Variants in GPM6A observed in about 807,000 individuals in gnomAD.
GPM6A encodes glycoprotein M6A.
In GPM6A, 7 loss-of-function variants were observed where a neutral mutation model predicts 32.1. That is an observed-to-expected ratio of 0.22 (90% CI 0.12 to 0.41). GPM6A has a LOEUF of 0.41. Among genes scored for constraint, GPM6A ranks in the 10% least tolerant of loss-of-function variants. GPM6A has a pLI of 1.00. For synonymous variants in GPM6A, 130 were observed against 123.4 expected (o/e 1.05, Z -0.35); for missense variants, 235 against 347.2 (o/e 0.68, Z 2.57).
At chr4:175,680,622 T>C (rs1012987273) in intron 2 of GPM6A, among the ~76,000 whole-genome samples, 5 of 152,322 alleles carry the variant, frequency 3.3e-5, no homozygotes, top group Admixed American at 1.3e-4. Flanking sequence ...TTTTTGGATA[T>C]ACAGGACATT....
chr4:175,961,797 A>G (rs1740173172), intron 1 of GPM6A, among the ~76,000 whole-genome samples: 1 of 152,120 alleles, frequency 6.6e-6, no homozygotes, highest in Admixed American at 6.5e-5. Flanking sequence ...GCCAGTGCCT[A>G]CCCAACCTCG....
chr4:175,887,695 T>C (rs1737507079), intron 1 of GPM6A, among the ~76,000 whole-genome samples: 2 of 151,680 alleles, frequency 1.3e-5, no homozygotes, highest in Admixed American at 6.6e-5. Context: ...ACAATAAAAA[T>C]ATAACCATGA....
chr4:175,666,112 G>A (rs2110961348), intron 3 of GPM6A, among the ~76,000 whole-genome samples: 1 of 151,814 alleles, frequency 6.6e-6, no homozygotes, highest in East Asian at 2.0e-4. Flanking sequence ...TAGAGAAGGG[G>A]TTTCACCATG....
intron 2 of GPM6A, 30 bp downstream of exon 2, chr4:175,701,545 A>G (rs1318574856): frequency 6.5e-7 from 1 of 1,528,564 alleles, no homozygotes; most frequent in Non-Finnish European, 9.1e-7. Context: ...ATATACATGG[A>G]AAATAACAAG....
At chr4:175,826,223 G>T (rs932620971) in intron 1 of GPM6A, among the ~76,000 whole-genome samples, 31 of 151,726 alleles carry the variant, frequency 2.0e-4, no homozygotes, top group African/African-American at 7.2e-4. Flanking sequence ...ATTGGCCACT[G>T]ATCCGTACCA....
chr4:175,847,322 C>T (rs1298881355), intron 1 of GPM6A, among the ~76,000 whole-genome samples: 2 of 152,130 alleles, frequency 1.3e-5, no homozygotes, highest in Non-Finnish European at 2.9e-5. Context: ...TTCTGTGACC[C>T]AGGGTCAACC....
chr4:175,820,672 A>T (rs924271403), intron 1 of GPM6A, among the ~76,000 whole-genome samples: 1 of 150,648 alleles, frequency 6.6e-6, no homozygotes, highest in African/African-American at 2.4e-5. Context: ...GCTAATTTTT[A>T]TATTTTCAGT....
intron 1 of GPM6A, among the ~76,000 whole-genome samples, chr4:175,951,454 C>T (rs1739808585): frequency 6.6e-6 from 1 of 152,118 alleles, no homozygotes; most frequent in East Asian, 1.9e-4. Context: ...AAGCACTGGC[C>T]TATAAGTCCG....
chr4:175,922,055 C>A (rs1282703786), intron 1 of GPM6A, among the ~76,000 whole-genome samples: 1 of 152,160 alleles, frequency 6.6e-6, no homozygotes, highest in African/African-American at 2.4e-5. Flanking sequence ...TTAAATCCTG[C>A]TTGCCTACCT....
intron 1 of GPM6A, among the ~76,000 whole-genome samples, chr4:175,886,829 C>T (rs1441778413): frequency 6.6e-6 from 1 of 151,270 alleles, no homozygotes; most frequent in Non-Finnish European, 1.5e-5. Context: ...TAAGATTAAA[C>T]TTGCTTCTAA....
chr4:175,695,868 T>C (rs1405596182), intron 2 of GPM6A, among the ~76,000 whole-genome samples: 1 of 152,122 alleles, frequency 6.6e-6, no homozygotes, highest in East Asian at 1.9e-4. Context: ...ATAATCCCCA[T>C]TGTGGGGACT....
chr4:175,820,656 C>A (rs546942052), intron 1 of GPM6A, among the ~76,000 whole-genome samples: 1 of 151,970 alleles, frequency 6.6e-6, no homozygotes, highest in East Asian at 1.9e-4. Context: ...TGCGCCACCA[C>A]GCCCAGCTAA....
chr4:175,921,071 ATCTG>A (rs1286488612), intron 1 of GPM6A, among the ~76,000 whole-genome samples: 1 of 109,542 alleles, frequency 9.1e-6, no homozygotes, highest in Non-Finnish European at 1.8e-5. Context: ...TCTTTAACCA[ATCTG>A]TTTATATGTT....
chr4:175,969,663 A>G (rs1740440040), intron 1 of GPM6A, among the ~76,000 whole-genome samples: 1 of 152,152 alleles, frequency 6.6e-6, no homozygotes, highest in Non-Finnish European at 1.5e-5. Context: ...GTGAGCAGAG[A>G]TCATGCCACT....
At chr4:175,665,210 T>A (rs1256136506) in intron 3 of GPM6A, among the ~76,000 whole-genome samples, 1 of 152,174 alleles carries the variant, frequency 6.6e-6, no homozygotes, top group Non-Finnish European at 1.5e-5. Flanking sequence ...TATCACAGAC[T>A]TTAATCCCTT....
At position 175,870,718 on chromosome 4, in the gene GPM6A, T is replaced by C. The variant is rs544021951; in HGVS notation, c.-22-58469A>G. Among the ~76,000 whole-genome samples the C allele has an allele frequency of 2.6e-5, 4 of 152,268 alleles. No individual in the cohort carries two copies. In the East Asian group the frequency reaches 5.8e-4, roughly 22 times the overall value. ...CTTTGGGAAAACTATCTCTCTTTTC[T>C]TCTGTGTATAACTCTGTTTCCTAGG... is the stretch of plus-strand genomic sequence containing the variant. On this transcript the variant is annotated intron_variant, in intron 1 of 7. Transcript: ENST00000280187.
chr4:175,799,973 T>G (rs896990164), intron 1 of GPM6A, among the ~76,000 whole-genome samples: 2 of 141,852 alleles, frequency 1.4e-5, no homozygotes, highest in Non-Finnish European at 3.1e-5. Flanking sequence ...AGATATTTTT[T>G]GAAGTTTATC....
intron 1 of GPM6A, among the ~76,000 whole-genome samples, chr4:175,761,393 A>G (rs1411887136): frequency 6.6e-6 from 1 of 152,128 alleles, no homozygotes; most frequent in Non-Finnish European, 1.5e-5. Flanking sequence ...GGCCCAGCCT[A>G]GTGCAAAAAT....
chr4:175,752,440 C>A lies in GPM6A; in HGVS notation c.38-50673G>T, dbSNP rs1033916491. 4.6e-5 allele frequency among the ~76,000 whole-genome samples: 7 copies of A among 152,180 alleles called. No homozygotes were observed. The East Asian group carries it at 1.4e-3, about 30-fold the overall frequency. ...TCTACTTGGAACTCTCCCATGTTTG[C>A]CTAATTATTGTCTCCTGGTCTTTCA... On this transcript the variant is annotated intron_variant, in intron 1 of 6. Coordinates refer to ENST00000393658, the MANE Select transcript of GPM6A (RefSeq NM_201591.3).
Sources: gnomAD v4.1 joint callset for allele counts (sites outside exome capture counted in the v4.1 genomes callset) on GRCh38, gnomAD v4.1.1 for gene constraint, MANE v1.5 for transcripts, NCBI Gene and HGNC (gene_info 2026-07-23, HGNC 2026-07-21) for gene names.